The following PAWR variants were observed in gnomAD, a reference collection of about 807,000 sequenced individuals.
PAWR encodes the protein PRKC apoptosis WT1 regulator protein.
A neutral mutation model predicts 32.0 loss-of-function variants in PAWR; 23 were observed. The observed-to-expected ratio is 0.72, with a 90% confidence interval of 0.52 to 1.02. The LOEUF is 1.02. Among genes scored for constraint, PAWR ranks in the 50% least tolerant of loss-of-function variants. The pLI is 0.00. For synonymous variants in PAWR, 226 were observed against 187.1 expected, an observed-to-expected ratio of 1.21 and a Z score of -1.70; for missense variants, 457 against 437.7, an observed-to-expected ratio of 1.04 and a Z score of -0.39.
In PAWR at chr12:79,589,984, T is replaced by A. The variant is rs1451693873; in HGVS notation, c.*2623A>T. On this transcript the variant is annotated 3_prime_UTR_variant, in exon 7 of 7. Coordinates refer to ENST00000328827, the MANE Select transcript of PAWR (RefSeq NM_002583.4). ...TTTTATAAATTTTCAGGTGAAACTG[T>A]AGCAGATCCTACTTTATTTTTCAAT... 6.6e-6 allele frequency: 1 copy of A among 152,172 alleles called. No homozygotes were observed. Among genetic ancestry groups the A allele is most frequent in the African/African-American group, 2.4e-5 (1 of 41,450 alleles). 9.4% of individuals were successfully genotyped at this position (152,172 alleles called of 1,614,324 possible). A position where few individuals can be genotyped will look rare whatever the true frequency, so the allele number is the denominator to read the frequency against.
intron 2 of PAWR, among the ~76,000 whole-genome samples, chr12:79,673,728 T>C (rs140438044): frequency 1.3e-5 from 2 of 152,328 alleles, no homozygotes; most frequent in African/African-American, 2.4e-5. Flanking sequence ...ATATACTTTA[T>C]GGTAGCATTT....
intron 2 of PAWR, among the ~76,000 whole-genome samples, chr12:79,658,561 TGTA>T (rs1290536006): frequency 1.5e-4 from 23 of 152,320 alleles, no homozygotes; most frequent in African/African-American, 5.5e-4. Flanking sequence ...GTAAATTAAA[TGTA>T]GTGAACAATC....
rs545930375 is a variant in PAWR, at chr12:79,600,691, G to A, written c.684-4033C>T. The stretch of plus-strand genomic sequence containing the variant: ...TTTTTGTAGAGACGTGTCTTACTAT[G>A]TTGACCAGGCTGGTCTCAAACTCCT... On this transcript the variant is annotated intron_variant, in intron 4 of 6. Transcript: ENST00000328827. Among the ~76,000 whole-genome samples the A allele has an allele frequency of 4.5e-5, 5 of 110,726 alleles. No individual in the cohort carries two copies. The South Asian group carries it at 1.5e-3, about 34-fold the overall frequency. 72.6% of individuals were successfully genotyped at this position (110,726 alleles called of 152,430 possible).
intron 2 of PAWR, among the ~76,000 whole-genome samples, chr12:79,686,876 A>G (rs149228081): frequency 1.1e-4 from 17 of 152,256 alleles, no homozygotes; most frequent in Middle Eastern, 3.4e-3. Flanking sequence ...AAATTTTTTC[A>G]TGTAATTATG....
intron 5 of PAWR, among the ~76,000 whole-genome samples, chr12:79,594,700 C>T (rs1339734716): frequency 6.7e-6 from 1 of 148,486 alleles, no homozygotes; most frequent in Non-Finnish European, 1.5e-5. Context: ...GATTTAACCT[C>T]GTGTGTGTGT....
At chr12:79,594,070 G>A (rs1463641587) in intron 6 of PAWR, among the ~76,000 whole-genome samples, 2 of 152,014 alleles carry the variant, frequency 1.3e-5, no homozygotes, top group Admixed American at 6.6e-5. Context: ...CAAAGCGCCT[G>A]TCACCCTCAG....
intron 2 of PAWR, among the ~76,000 whole-genome samples, chr12:79,638,862 T>C (rs1211452043): frequency 3.9e-5 from 1 of 25,426 alleles, no homozygotes; most frequent in Non-Finnish European, 7.1e-5. Flanking sequence ...TGAGATGGAG[T>C]CATATATATA....
At chr12:79,633,167 A>G (rs1169712721) in intron 2 of PAWR, among the ~76,000 whole-genome samples, 1 of 152,112 alleles carries the variant, frequency 6.6e-6, no homozygotes, top group Non-Finnish European at 1.5e-5. Context: ...AAAACTATCA[A>G]AATTAAAAAC....
At chr12:79,652,875 A>C (rs1365693237) in intron 2 of PAWR, among the ~76,000 whole-genome samples, 6 of 152,210 alleles carry the variant, frequency 3.9e-5, no homozygotes, top group Admixed American at 3.9e-4. Flanking sequence ...GTAATAAAAT[A>C]ATATAGAACT....
At chr12:79,668,531 A>G (rs1877724031) in intron 2 of PAWR, 1 of 152,242 alleles carries the variant, frequency 6.6e-6, no homozygotes, top group African/African-American at 2.4e-5. Flanking sequence ...CCAGGGGGAT[A>G]ATGGGGAGGA....
intron 2 of PAWR, among the ~76,000 whole-genome samples, chr12:79,638,869 T>G (rs1466750354): frequency 1.8e-4 from 1 of 5,598 alleles, no homozygotes; most frequent in Non-Finnish European, 4.3e-4. Flanking sequence ...GAGTCATATA[T>G]ATATATATAT....
chr12:79,610,702 G>C (rs1362294350), intron 4 of PAWR, among the ~76,000 whole-genome samples: 1 of 150,140 alleles, frequency 6.7e-6, no homozygotes, highest in African/African-American at 2.5e-5. Context: ...GAGTTGGGAG[G>C]ATCACTTGAG....
rs895086562 is a variant in PAWR, at chr12:79,591,285, T to G, written c.*1322A>C. The G allele has an allele frequency of 2.0e-5, 3 of 152,144 alleles. No homozygotes were observed. The highest frequency in any genetic ancestry group is 7.2e-5 in the African/African-American group (3 of 41,432). 9.4% of individuals were successfully genotyped at this position (152,144 alleles called of 1,614,324 possible). A position where few individuals can be genotyped will look rare whatever the true frequency, so the allele number is the denominator to read the frequency against. ...TCCCCCAGCTGTCTCACCTTCTCTATTTTTCTAACAGTGAACAATAAAAGG... is the reference window on the plus strand; with the variant it reads ...TCCCCCAGCTGTCTCACCTTCTCTAGTTTTCTAACAGTGAACAATAAAAGG... On this transcript the variant is annotated 3_prime_UTR_variant, in exon 7 of 7. Coordinates refer to ENST00000328827, the MANE Select transcript of PAWR (RefSeq NM_002583.4).
At chr12:79,604,870 T>C in intron 4 of PAWR, 1 of 256,942 alleles carries the variant, frequency 3.9e-6, no homozygotes, top group South Asian at 4.4e-5. Context: ...TCATCAGTAA[T>C]TCCACTAACC....
chr12:79,621,086 T>A lies in PAWR; in HGVS notation c.638A>T (p.Tyr213Phe). The change falls in exon 3 of 7, where the codon TAT becomes TTT. Residue 213 changes from tyrosine to phenylalanine, a missense_variant. Transcript: ENST00000328827. The part of the protein sequence containing the change: ...AVNLLDPGSS[Y>F]LLQEPPRTVS... ...TTTTTAAATACTCACCTGTAGCAGA[T>A]AGGAACTGCCTGGATCTAGTAAGTT... The A allele has an allele frequency of 6.3e-7, 1 of 1,598,284 alleles. No individual in the cohort carries two copies. The highest frequency in any genetic ancestry group is 8.5e-7 in the Non-Finnish European group (1 of 1,174,622).
chr12:79,648,554 G>A (rs73345510), intron 2 of PAWR, among the ~76,000 whole-genome samples: 2,206 of 151,498 alleles, frequency 0.015, 65 homozygotes, highest in African/African-American at 0.05. Context: ...AGACCAAGGC[G>A]GGGGGATCGC....
rs546041672 is a variant in PAWR, at chr12:79,585,035, A to C, written c.*7572T>G. 2 of 346,384 alleles carry C rather than the reference A, an allele frequency of 5.8e-6. No homozygotes were observed. Among genetic ancestry groups the C allele is most frequent in the Non-Finnish European group, 1.1e-5 (2 of 178,976 alleles). 21.5% of individuals were successfully genotyped at this position (346,384 alleles called of 1,614,324 possible). A position where few individuals can be genotyped will look rare whatever the true frequency, so the allele number is the denominator to read the frequency against. ...CATAGTCTCTTGGACTTGAGAATCC[A>C]TTTGAGTTTCAGAAAGAATACTAAA... On this transcript the variant is annotated 3_prime_UTR_variant, in exon 7 of 7. Transcript: ENST00000328827.
intron 2 of PAWR, among the ~76,000 whole-genome samples, chr12:79,626,067 G>C (rs550368551): frequency 2.8e-5 from 4 of 143,682 alleles, no homozygotes; most frequent in South Asian, 4.6e-4. Context: ...GGGAGGCTGA[G>C]GCAGGAGAAT....
chr12:79,587,924 CTAA>C lies in PAWR; in HGVS notation c.*4680_*4682del, dbSNP rs1406240545. On this transcript the variant is annotated 3_prime_UTR_variant, in exon 7 of 7. Transcript: ENST00000328827. ...ATGATCAAAGCTGTCTAACACAATA[CTAA>C]TGTGTTCAATAAATTATCCAGATGT... The C allele has an allele frequency of 6.6e-6, 1 of 151,904 alleles. No individual in the cohort carries two copies. Among genetic ancestry groups the C allele is most frequent in the African/African-American group, 2.4e-5 (1 of 41,440 alleles). The allele number at this position is 151,904 out of a possible 1,614,324, so 9.4% of individuals were successfully genotyped here. A position where few individuals can be genotyped will look rare whatever the true frequency, so the allele number is the denominator to read the frequency against.
Sources: allele counts gnomAD v4.1 joint callset (sites outside exome capture counted in the v4.1 genomes callset), GRCh38; gene constraint gnomAD v4.1.1; transcripts MANE v1.5; gene names NCBI Gene and HGNC (gene_info 2026-07-23, HGNC 2026-07-21).